LYSMD2: variants seen among roughly 807,000 people sequenced by gnomAD.
LYSMD2 encodes lysM and putative peptidoglycan-binding domain-containing protein 2.
LYSMD2 carries 6 observed loss-of-function variants against 17.7 expected under a neutral mutation model. That is an observed-to-expected ratio of 0.34 (90% confidence interval 0.19 to 0.67). The LOEUF (loss-of-function observed/expected upper bound fraction) is 0.67. LYSMD2 is among the 30% of genes least tolerant of loss of function. The pLI is 0.69. For synonymous variants in LYSMD2, 102 were observed against 129.8 expected (o/e 0.79, Z 1.45); for missense variants, 237 against 286.7 (o/e 0.83, Z 1.25).
At chr15:51,741,479 A>G (rs1411341916), upstream of LYSMD2, among the ~76,000 whole-genome samples, 4 of 152,226 alleles carry the variant, frequency 2.6e-5, no homozygotes, top group African/African-American at 9.7e-5. Context: ...TATAATTCAC[A>G]CATCACATAA....
intron 1 of LYSMD2, among the ~76,000 whole-genome samples, chr15:51,744,606 C>A (rs1027838414): frequency 1.4e-4 from 22 of 152,024 alleles, no homozygotes; most frequent in African/African-American, 5.1e-4. Context: ...CTATAATTTT[C>A]TTTTCTTGTA....
chr15:51,747,352 G>T (rs752103116), intron 1 of LYSMD2, among the ~76,000 whole-genome samples: 4 of 150,764 alleles, frequency 2.7e-5, no homozygotes, highest in African/African-American at 9.8e-5. Context: ...TTAGCCAGGC[G>T]TGGTGGCGCA....
At chr15:51,740,654 A>G (rs2055638203), upstream of LYSMD2, among the ~76,000 whole-genome samples, 1 of 152,266 alleles carries the variant, frequency 6.6e-6, no homozygotes, top group African/African-American at 2.4e-5. Context: ...AAGTTAAAAG[A>G]TACAAGCTCA....
At chr15:51,747,826 C>T (rs2055675666) in intron 1 of LYSMD2, among the ~76,000 whole-genome samples, 1 of 152,180 alleles carries the variant, frequency 6.6e-6, no homozygotes, top group Admixed American at 6.5e-5. Flanking sequence ...GTCAATTATA[C>T]TACACATACG....
upstream of LYSMD2, among the ~76,000 whole-genome samples, chr15:51,739,771 T>C (rs2141600943): frequency 6.6e-6 from 1 of 152,118 alleles, no homozygotes; most frequent in African/African-American, 2.4e-5. Flanking sequence ...CTACAAAAAA[T>C]ACAAAACTTA....
chr15:51,748,428 TG>T (rs2055680020), intron 1 of LYSMD2, among the ~76,000 whole-genome samples: 1 of 152,164 alleles, frequency 6.6e-6, no homozygotes, highest in East Asian at 1.9e-4. Flanking sequence ...ACATTGCCTG[TG>T]GTTTGTGGTG....
In LYSMD2 at chr15:51,737,301, T is replaced by C. The variant is rs1351880023; in HGVS notation, c.273+49A>G. ...CCACCGCACCCCGAGCCGCACCGCC[T>C]CCTGCGCGGTAGCTGCCAGCCCGGG... On this transcript the variant is annotated intron_variant, in intron 1 of 2. Transcript: ENST00000267838. This position sits in a 1 kb window ranked among gnomAD's most constrained non-coding sequence, Gnocchi z 4.2. The C allele has an allele frequency of 2.3e-6, 2 of 877,352 alleles. No individual in the cohort carries two copies. 54.3% of individuals were successfully genotyped at this position (877,352 alleles called of 1,614,324 possible). A position where few individuals can be genotyped will look rare whatever the true frequency, so the allele number is the denominator to read the frequency against.
chr15:51,744,792 A>G (rs1043347983), intron 1 of LYSMD2, among the ~76,000 whole-genome samples: 3 of 152,168 alleles, frequency 2.0e-5, no homozygotes, highest in Admixed American at 1.3e-4. Context: ...TGAAACAGAG[A>G]CTAGAAAAAC....
At chr15:51,726,572 C>T (rs901824119) in intron 1 of LYSMD2, among the ~76,000 whole-genome samples, 1 of 152,248 alleles carries the variant, frequency 6.6e-6, no homozygotes, top group Non-Finnish European at 1.5e-5. Context: ...GGACGGTAGT[C>T]GAGGGGAGAG....
chr15:51,745,530 CTT>C (rs1479495474), intron 1 of LYSMD2, among the ~76,000 whole-genome samples: 1 of 152,056 alleles, frequency 6.6e-6, no homozygotes, highest in African/African-American at 2.4e-5. Context: ...CAGAAAAAGT[CTT>C]TGATGAAATC....
At chr15:51,725,283 C>T (rs969993800) in intron 1 of LYSMD2, among the ~76,000 whole-genome samples, 162 bp from the exon 2 acceptor site, 1 of 152,186 alleles carries the variant, frequency 6.6e-6, no homozygotes, top group Non-Finnish European at 1.5e-5. Context: ...CCAGATATCT[C>T]TAGTTATTTC....
intron 1 of LYSMD2, among the ~76,000 whole-genome samples, chr15:51,736,875 A>C (rs1178285683): frequency 6.6e-6 from 1 of 152,240 alleles, no homozygotes; most frequent in Non-Finnish European, 1.5e-5. Context: ...AGAACCACCC[A>C]GTAGGAACAA....
At chr15:51,728,101 T>C (rs1335614087) in intron 1 of LYSMD2, among the ~76,000 whole-genome samples, 1 of 152,194 alleles carries the variant, frequency 6.6e-6, no homozygotes, top group African/African-American at 2.4e-5. Context: ...TTCCTCTCCA[T>C]ATATCATAAT....
At chr15:51,725,635 C>A (rs1190715925) in intron 1 of LYSMD2, among the ~76,000 whole-genome samples, 1 of 152,058 alleles carries the variant, frequency 6.6e-6, no homozygotes, top group Admixed American at 6.6e-5. Flanking sequence ...CTACCTTTCA[C>A]AGGGTTGTTG....
intron 1 of LYSMD2, among the ~76,000 whole-genome samples, chr15:51,733,738 T>A (rs1412282998): frequency 6.6e-6 from 1 of 152,172 alleles, no homozygotes; most frequent in Non-Finnish European, 1.5e-5. Flanking sequence ...GAGGCCCTTC[T>A]AAGCATGGGG....
At chr15:51,738,804 A>G (rs566450614), upstream of LYSMD2, among the ~76,000 whole-genome samples, 2 of 152,172 alleles carry the variant, frequency 1.3e-5, no homozygotes, top group African/African-American at 4.8e-5. Context: ...ACACCATCCC[A>G]CTCAAAACTC....
intron 1 of LYSMD2, among the ~76,000 whole-genome samples, chr15:51,727,674 A>C (rs1363776761): frequency 6.6e-6 from 1 of 152,228 alleles, no homozygotes; most frequent in African/African-American, 2.4e-5. Context: ...GGCTGTGTGC[A>C]GTCAGGGAGT....
upstream of LYSMD2, among the ~76,000 whole-genome samples, chr15:51,738,767 A>G (rs897302139): frequency 6.6e-6 from 1 of 152,190 alleles, no homozygotes; most frequent in African/African-American, 2.4e-5. Context: ...CAGGAGAGAA[A>G]GGATGGGAGA....
intron 1 of LYSMD2, among the ~76,000 whole-genome samples, chr15:51,744,871 C>G (rs1407632392): frequency 1.3e-5 from 2 of 151,750 alleles, no homozygotes; most frequent in African/African-American, 2.4e-5. Context: ...AAACCTTTAC[C>G]TAGTCTGACC....
Sources: allele counts gnomAD v4.1 joint callset (sites outside exome capture counted in the v4.1 genomes callset), GRCh38; gene constraint gnomAD v4.1.1; non-coding constraint Gnocchi (gnomAD v3.1); transcripts MANE v1.5; gene names NCBI Gene and HGNC (gene_info 2026-07-23, HGNC 2026-07-21).